Variants in LRRK2 observed in about 807,000 individuals in gnomAD.
LRRK2 encodes leucine rich repeat kinase 2.
Under a neutral mutation model 302.6 loss-of-function variants are expected in LRRK2, and 203 were observed. The observed-to-expected ratio is 0.67, with a 90% CI of 0.60 to 0.75. LRRK2 has a LOEUF of 0.75. Ranked by LOEUF, LRRK2 falls within the 30% of genes least tolerant of loss-of-function variation. The pLI is 0.00. For synonymous variants in LRRK2, 1,066 were observed against 1,031.9 expected, an observed-to-expected ratio of 1.03 and a Z score of -0.63; for missense variants, 2,830 against 2,951.0, an observed-to-expected ratio of 0.96 and a Z score of 0.95.
At chr12:40,367,160 G>T in intron 50 of LRRK2, 83 bp downstream of exon 50, 1 of 1,119,462 alleles carries the variant, frequency 8.9e-7, no homozygotes, top group South Asian at 1.3e-5. Context: ...TAAATTTGTA[G>T]AAAATATTAC....
chr12:40,263,875 A>C lies in LRRK2; in HGVS notation c.1630A>C (p.Lys544Gln). 1 of 1,612,306 alleles carries C rather than the reference A, an allele frequency of 6.2e-7. No homozygotes were observed. Among genetic ancestry groups the C allele is most frequent in the Non-Finnish European group, 8.5e-7 (1 of 1,178,680 alleles). Residue 544 changes from lysine to glutamine, a missense_variant, in exon 14 of 51, where the codon AAA becomes CAA. Lys to Gln is a moderately conservative substitution (Grantham distance 53, BLOSUM62 1). Coordinates refer to ENST00000298910, the MANE Select transcript of LRRK2 (RefSeq NM_198578.4). ...ACAGTGTTTCAAGAATGATATTCAC[A>C]AACTGGTCCTAGCAGCTTTGAACAG... ...KKQCFKNDIH[K>Q]LVLAALNRFI...
intron 11 of LRRK2, among the ~76,000 whole-genome samples, chr12:40,253,260 T>C (rs1942359168): frequency 1.3e-5 from 2 of 152,214 alleles, no homozygotes; most frequent in South Asian, 4.1e-4. Context: ...ACATGACATA[T>C]ACAAAATTTT....
At chr12:40,353,074 G>A (rs1205104622) in intron 44 of LRRK2, among the ~76,000 whole-genome samples, 3 of 150,812 alleles carry the variant, frequency 2.0e-5, no homozygotes, top group Non-Finnish European at 4.4e-5. Context: ...ACGGGGCGGC[G>A]GCCGGGCGGG....
chr12:40,243,481 G>A lies in LRRK2; in HGVS notation c.707-69G>A, dbSNP rs139365796. 114 of 1,553,370 alleles carry A rather than the reference G, an allele frequency of 7.3e-5. 1 individual carries two copies. The South Asian group carries it at 8.6e-4, about 12-fold the overall frequency. On this transcript the variant is annotated intron_variant, in intron 6 of 50. Coordinates refer to ENST00000298910, the MANE Select transcript of LRRK2 (RefSeq NM_198578.4). The stretch of plus-strand genomic sequence containing the variant: ...CATCTATTTACAGTCTATATAAGAC[G>A]TCTTTGTATGCATATTTGAAAGGAG...
At chr12:40,345,121 T>C (rs1946153538) in intron 41 of LRRK2, among the ~76,000 whole-genome samples, 1 of 152,198 alleles carries the variant, frequency 6.6e-6, no homozygotes, top group Non-Finnish European at 1.5e-5. Flanking sequence ...TACTTCGTTA[T>C]ATTTTTCTGG....
intron 13 of LRRK2, among the ~76,000 whole-genome samples, chr12:40,263,138 T>C (rs1942848647): frequency 6.6e-6 from 1 of 152,238 alleles, no homozygotes. Context: ...TCTATAATCT[T>C]AGGTTTGGAA....
intron 13 of LRRK2, among the ~76,000 whole-genome samples, chr12:40,262,025 G>A (rs1942796287): frequency 6.6e-6 from 1 of 152,058 alleles, no homozygotes; most frequent in East Asian, 1.9e-4. Flanking sequence ...GTTACTGCTA[G>A]TTTTAGAGGA....
In LRRK2 at chr12:40,282,089, T is replaced by TTCC. The variant is rs1943730128; in HGVS notation, c.2242-1786_2242-1785insTCC. 5.3e-4 allele frequency among the ~76,000 whole-genome samples: 7 copies of TTCC among 13,184 alleles called. No homozygotes were observed. In the South Asian group the frequency reaches 0.029, roughly 55 times the overall value. The allele number at this position is 13,184 out of a possible 152,430, so 8.6% of individuals were successfully genotyped here. A position where few individuals can be genotyped will look rare whatever the true frequency, so the allele number is the denominator to read the frequency against. On this transcript the variant is annotated intron_variant, in intron 18 of 50. Transcript: ENST00000298910. Reference sequence around the variant, plus strand: ...CCTTCCCTTCCCTTCCCTTCCCTTCTCTTCCCTCCCCTCCCCTTCTCTTCC... The same window carrying TTCC: ...CCTTCCCTTCCCTTCCCTTCCCTTCTTCCCTTCCCTCCCCTCCCCTTCTCTTCC...
intron 14 of LRRK2, among the ~76,000 whole-genome samples, chr12:40,268,303 G>A (rs1943103678): frequency 6.6e-6 from 1 of 152,152 alleles, no homozygotes; most frequent in South Asian, 2.1e-4. Flanking sequence ...GATGAAATGG[G>A]CACAAATCAA....
intron 40 of LRRK2, among the ~76,000 whole-genome samples, chr12:40,338,406 G>T (rs1342970047): frequency 6.6e-6 from 1 of 152,188 alleles, no homozygotes; most frequent in Non-Finnish European, 1.5e-5. Flanking sequence ...TTTAAGCTAT[G>T]AAGAAAGAAG....
At position 40,348,392 on chromosome 12, in the gene LRRK2, G is replaced by A. The variant is rs774751388; in HGVS notation, c.6281-17G>A. On this transcript the variant is annotated splice_polypyrimidine_tract_variant and intron_variant, in intron 42 of 50. Coordinates refer to ENST00000298910, the MANE Select transcript of LRRK2 (RefSeq NM_198578.4). The stretch of plus-strand genomic sequence containing the variant: ...TACTTATTTAGTATGCTAGCATGAT[G>A]TTTTTTAATGTTTTAGATCCAGTTA... 2 of 1,533,948 alleles carry A rather than the reference G, an allele frequency of 1.3e-6. No homozygotes were observed. Among genetic ancestry groups the A allele is most frequent in the South Asian group, 2.2e-5 (2 of 89,146 alleles).
At chr12:40,284,454 TA>T (rs1157539234) in intron 19 of LRRK2, among the ~76,000 whole-genome samples, 4 of 143,476 alleles carry the variant, frequency 2.8e-5, no homozygotes, top group African/African-American at 9.9e-5. Flanking sequence ...AAAAAGAAAA[TA>T]AAAATAACTT....
In LRRK2 at chr12:40,231,543, A is replaced by G. The variant is rs1941186082; in HGVS notation, c.238-731A>G. Among the ~76,000 whole-genome samples, 8 of 143,956 alleles carry G rather than the reference A, an allele frequency of 5.6e-5. No homozygotes were observed. In the Admixed American group the frequency reaches 5.7e-4, roughly 10 times the overall value. 94.4% of individuals were successfully genotyped at this position (143,956 alleles called of 152,430 possible). A position where few individuals can be genotyped will look rare whatever the true frequency, so the allele number is the denominator to read the frequency against. On this transcript the variant is annotated intron_variant, in intron 2 of 50. Transcript: ENST00000298910. ...CATTGCACTCCAGCCTGGGTGACAG[A>G]GTGAGACCCTATCTCAAAAACAAAA...
At chr12:40,282,403 A>G (rs989846090) in intron 18 of LRRK2, among the ~76,000 whole-genome samples, 1 of 152,076 alleles carries the variant, frequency 6.6e-6, no homozygotes, top group African/African-American at 2.4e-5. Context: ...TCAGTGCTAC[A>G]TTAAATGAAA....
intron 13 of LRRK2, among the ~76,000 whole-genome samples, chr12:40,261,174 G>A (rs1942757016): frequency 6.6e-6 from 1 of 151,986 alleles, no homozygotes; most frequent in South Asian, 2.1e-4. Flanking sequence ...ATTATTGCAT[G>A]TTTTATTGAA....
At chr12:40,284,503 C>T (rs1326366671) in intron 19 of LRRK2, among the ~76,000 whole-genome samples, 3 of 151,394 alleles carry the variant, frequency 2.0e-5, no homozygotes, top group Admixed American at 6.6e-5. Context: ...GGATATTTTT[C>T]CTAACTTTTT....
chr12:40,228,599 T>G (rs1941025571), intron 2 of LRRK2, among the ~76,000 whole-genome samples: 1 of 152,192 alleles, frequency 6.6e-6, no homozygotes, highest in South Asian at 2.1e-4. Context: ...GCTTTTTAGC[T>G]TGATATAATC....
At chr12:40,265,006 T>C (rs140313918) in intron 14 of LRRK2, among the ~76,000 whole-genome samples, 4 of 152,338 alleles carry the variant, frequency 2.6e-5, no homozygotes, top group African/African-American at 9.6e-5. Flanking sequence ...TGTGATTTGA[T>C]ATACTTTGAT....
At chr12:40,330,637 C>T (rs1945686042) in intron 39 of LRRK2, among the ~76,000 whole-genome samples, 1 of 152,024 alleles carries the variant, frequency 6.6e-6, no homozygotes, top group African/African-American at 2.4e-5. Flanking sequence ...CTACTATGTA[C>T]CAGGTTAGGT....
Sources: gnomAD v4.1 joint callset for allele counts (sites outside exome capture counted in the v4.1 genomes callset) on GRCh38, gnomAD v4.1.1 for gene constraint, MANE v1.5 for transcripts, NCBI Gene and HGNC (gene_info 2026-07-23, HGNC 2026-07-21) for gene names.